The following STPG2 variants were observed in gnomAD, a reference collection of about 807,000 sequenced individuals.
STPG2 encodes the protein sperm-tail PG-rich repeat-containing protein 2.
In STPG2, 56 loss-of-function variants were observed where a neutral mutation model predicts 54.2. The observed-to-expected ratio is 1.03, with a 90% CI of 0.83 to 1.29. The LOEUF (loss-of-function observed/expected upper bound fraction) is 1.29. Ranked by LOEUF, STPG2 falls within the 50% of genes most tolerant of loss-of-function variation. The pLI, the probability that STPG2 is intolerant of heterozygous loss-of-function variation, is 0.00. For synonymous variants in STPG2, 200 were observed against 181.8 expected (o/e 1.10, Z -0.81); for missense variants, 596 against 544.9 (o/e 1.09, Z -0.93).
chr4:98,021,609 C>G (rs1251087555), intron 5 of STPG2, among the ~76,000 whole-genome samples: 1 of 152,130 alleles, frequency 6.6e-6, no homozygotes, highest in African/African-American at 2.4e-5. Context: ...CTAATGTTGA[C>G]AGTGGGGTCT....
chr4:97,571,805 G>A (rs781254539), intron 10 of STPG2, among the ~76,000 whole-genome samples: 1 of 152,090 alleles, frequency 6.6e-6, no homozygotes, highest in Non-Finnish European at 1.5e-5. Flanking sequence ...ATGGGCCATG[G>A]TCATTCATAT....
chr4:97,671,052 CCTAT>C (rs1211076656), intron 10 of STPG2, among the ~76,000 whole-genome samples: 6 of 152,166 alleles, frequency 3.9e-5, no homozygotes, highest in African/African-American at 4.8e-5. Context: ...GAGAATGTGG[CCTAT>C]CTATCATCCT....
At chr4:97,810,292 C>T (rs533831060) in intron 9 of STPG2, among the ~76,000 whole-genome samples, 4 of 151,912 alleles carry the variant, frequency 2.6e-5, no homozygotes, top group East Asian at 3.9e-4. Flanking sequence ...GGTGAAACCC[C>T]GTCTCTACTA....
At chr4:97,772,151 T>A (rs531419059) in intron 9 of STPG2, among the ~76,000 whole-genome samples, 121 of 152,198 alleles carry the variant, frequency 8.0e-4, no homozygotes, top group Non-Finnish European at 1.5e-3. Context: ...AGAGCATGTA[T>A]TAAAAGGTAA....
intron 4 of STPG2, among the ~76,000 whole-genome samples, chr4:97,511,641 TC>T: frequency 6.6e-6 from 1 of 152,180 alleles, no homozygotes; most frequent in South Asian, 2.1e-4. Context: ...ATATAAAACA[TC>T]GTTATGCACA....
intron 7 of STPG2, among the ~76,000 whole-genome samples, chr4:97,958,314 AAAAAG>A (rs1266974364): frequency 5.3e-5 from 8 of 151,930 alleles, no homozygotes; most frequent in Admixed American, 5.3e-4. Context: ...TGTCTCAAAA[AAAAAG>A]AAAAGTAAAG....
intron 4 of STPG2, among the ~76,000 whole-genome samples, chr4:97,537,513 T>G (rs1876580): frequency 0.64 from 96,780 of 151,986 alleles, 32,006 homozygotes; most frequent in African/African-American, 0.83. Context: ...GTCCACCATT[T>G]CTGAGGCTTC....
intron 5 of STPG2, among the ~76,000 whole-genome samples, chr4:98,060,472 G>C (rs1479874171): frequency 6.6e-6 from 1 of 152,116 alleles, no homozygotes; most frequent in African/African-American, 2.4e-5. Flanking sequence ...AATCAATATT[G>C]TTAAAATGGC....
chr4:97,990,846 G>A (rs1334980884), intron 5 of STPG2, among the ~76,000 whole-genome samples: 3 of 152,056 alleles, frequency 2.0e-5, no homozygotes, highest in Non-Finnish European at 4.4e-5. Context: ...TGCAGGGATT[G>A]GAAAACTGGG....
At chr4:97,917,701 C>T (rs1463168296) in intron 8 of STPG2, among the ~76,000 whole-genome samples, 2 of 152,192 alleles carry the variant, frequency 1.3e-5, no homozygotes, top group African/African-American at 4.8e-5. Flanking sequence ...CCTCAAAGAG[C>T]TGTTAATCTC....
At chr4:97,939,630 T>C (rs544027624) in intron 8 of STPG2, among the ~76,000 whole-genome samples, 3 of 152,358 alleles carry the variant, frequency 2.0e-5, no homozygotes, top group South Asian at 2.1e-4. Flanking sequence ...ACCCCTGCTT[T>C]TTTTCTGTTT....
At chr4:97,856,732 T>C (rs1729349642) in intron 8 of STPG2, among the ~76,000 whole-genome samples, 1 of 152,174 alleles carries the variant, frequency 6.6e-6, no homozygotes, top group South Asian at 2.1e-4. Context: ...ATCCTTGTCT[T>C]GATTGGTTTT....
intron 4 of STPG2, among the ~76,000 whole-genome samples, chr4:97,498,734 T>C (rs1394319572): frequency 2.6e-5 from 4 of 151,816 alleles, no homozygotes; most frequent in Non-Finnish European, 1.5e-5. Context: ...TTTTTAACTA[T>C]TGCTTCATTA....
chr4:97,803,194 AAT>A (rs1465691760), intron 9 of STPG2, among the ~76,000 whole-genome samples: 1 of 152,136 alleles, frequency 6.6e-6, no homozygotes, highest in Non-Finnish European at 1.5e-5. Flanking sequence ...CATCCTCCAA[AAT>A]ATATATGGAG....
intron 4 of STPG2, among the ~76,000 whole-genome samples, chr4:97,528,460 T>C (rs557215367): frequency 6.6e-5 from 10 of 152,328 alleles, no homozygotes; most frequent in South Asian, 2.1e-4. Context: ...TTCTTTTTGC[T>C]TAGGATTGTC....
intron 9 of STPG2, among the ~76,000 whole-genome samples, chr4:97,794,443 T>C (rs776591922): frequency 6.6e-6 from 1 of 152,136 alleles, no homozygotes; most frequent in Non-Finnish European, 1.5e-5. Flanking sequence ...ACTTGAAATC[T>C]ATTGCAATTA....
At chr4:98,137,521 G>A (rs1212132926) in intron 1 of STPG2, among the ~76,000 whole-genome samples, 1 of 151,456 alleles carries the variant, frequency 6.6e-6, no homozygotes, top group Non-Finnish European at 1.5e-5. Flanking sequence ...TATTTTATGT[G>A]ATTTTCTATG....
chr4:97,637,137 A>G (rs1028443866), intron 10 of STPG2, among the ~76,000 whole-genome samples: 1 of 151,890 alleles, frequency 6.6e-6, no homozygotes, highest in Non-Finnish European at 1.5e-5. Flanking sequence ...CAAAAAGCTT[A>G]TCCACCATGA....
At chr4:97,444,685 AG>A (rs1460354446) in intron 4 of STPG2, among the ~76,000 whole-genome samples, 2 of 152,190 alleles carry the variant, frequency 1.3e-5, no homozygotes, top group Non-Finnish European at 2.9e-5. Flanking sequence ...AAATGAAAGA[AG>A]GAAAGAAGAA....
Sources: allele counts gnomAD v4.1 joint callset (sites outside exome capture counted in the v4.1 genomes callset), GRCh38; gene constraint gnomAD v4.1.1; transcripts MANE v1.5; gene names NCBI Gene and HGNC (gene_info 2026-07-23, HGNC 2026-07-21).